The following TGDS variants were observed in gnomAD, a reference collection of about 807,000 sequenced individuals.
TGDS encodes UDP-D-glucose 4,6-dehydratase.
A neutral mutation model predicts 52.3 loss-of-function variants in TGDS; 47 were observed. The ratio of observed to expected loss-of-function variants is 0.90; its 90% confidence interval spans 0.71 to 1.15. The LOEUF is 1.15. Ranked by LOEUF, TGDS falls within the 50% of genes most tolerant of loss-of-function variation. The pLI, the probability that TGDS is intolerant of heterozygous loss-of-function variation, is 0.00. For missense variants in TGDS, 375 were observed against 418.4 expected (o/e 0.90, Z 0.90); for synonymous variants, 115 against 136.9 (o/e 0.84, Z 1.12).
intron 4 of TGDS, among the ~76,000 whole-genome samples, chr13:94,587,018 G>A (rs954506813): frequency 2.0e-5 from 3 of 152,034 alleles, no homozygotes; most frequent in Admixed American, 2.0e-4. Context: ...GCCTGCCTTG[G>A]CCTCTCAAAG....
Position 94,574,780 on chromosome 13 carries a change from G to A in TGDS, c.*2C>T. ...CAACTGTCTCGACTATATAAATGGT[G>A]ATTATACCGGAAAGGGTTCTAATGC... On this transcript the variant is annotated 3_prime_UTR_variant, in exon 12 of 12. Transcript: ENST00000261296. 6.3e-7 allele frequency: 1 copy of A among 1,589,766 alleles called. No homozygotes were observed. The highest frequency in any genetic ancestry group is 8.6e-7 in the Non-Finnish European group (1 of 1,160,072).
chr13:94,580,080 G>A, intron 6 of TGDS, 127 bp from the exon 7 acceptor site: 2 of 551,608 alleles, frequency 3.6e-6, no homozygotes. Context: ...AAGGTCAAAG[G>A]GAAGAGATTT....
chr13:94,579,078 A>G (rs74104447), intron 7 of TGDS, among the ~76,000 whole-genome samples: 1,678 of 152,332 alleles, frequency 0.011, 30 homozygotes, highest in African/African-American at 0.037. Flanking sequence ...ATAAGGGCAG[A>G]TATTTGTATC....
At chr13:94,590,265 G>A (rs1249291473) in intron 4 of TGDS, among the ~76,000 whole-genome samples, 1 of 148,790 alleles carries the variant, frequency 6.7e-6, no homozygotes, top group Non-Finnish European at 1.5e-5. Flanking sequence ...AAGTTAAGCT[G>A]TATTGTTTAG....
chr13:94,576,878 G>A (rs774482668), intron 10 of TGDS, among the ~76,000 whole-genome samples: 3 of 152,220 alleles, frequency 2.0e-5, no homozygotes, highest in Non-Finnish European at 4.4e-5. Flanking sequence ...CAAGGAGGGC[G>A]GATCACGAGG....
At chr13:94,586,150 C>T (rs559558600) in intron 4 of TGDS, among the ~76,000 whole-genome samples, 9 of 151,948 alleles carry the variant, frequency 5.9e-5, no homozygotes, top group Non-Finnish European at 1.2e-4. Flanking sequence ...AGAAAGCGTA[C>T]AGTAAGATGG....
At chr13:94,577,927 T>C in intron 9 of TGDS, 78 bp downstream of exon 9, 1 of 1,390,890 alleles carries the variant, frequency 7.2e-7, no homozygotes, top group Non-Finnish European at 9.9e-7. Context: ...TTAAGTAAGC[T>C]GTATGCTTCT....
chr13:94,580,509 T>C (rs1430118344), intron 6 of TGDS, among the ~76,000 whole-genome samples: 1 of 152,158 alleles, frequency 6.6e-6, no homozygotes, highest in Non-Finnish European at 1.5e-5. Flanking sequence ...ATACTGACAC[T>C]GTCAGAGCCA....
At chr13:94,585,142 C>T (rs553408643) in intron 4 of TGDS, among the ~76,000 whole-genome samples, 1 of 152,100 alleles carries the variant, frequency 6.6e-6, no homozygotes, top group African/African-American at 2.4e-5. Flanking sequence ...CTCTGCCTCC[C>T]AGATTCAAGC....
At chr13:94,589,248 T>G (rs974724091) in intron 4 of TGDS, among the ~76,000 whole-genome samples, 2 of 152,134 alleles carry the variant, frequency 1.3e-5, no homozygotes, top group Non-Finnish European at 2.9e-5. Context: ...ACTTGCCATT[T>G]TTTCTCATTG....
intron 4 of TGDS, among the ~76,000 whole-genome samples, chr13:94,590,028 AACT>A (rs34701671): frequency 0.69 from 104,771 of 151,106 alleles, 36,920 homozygotes; most frequent in African/African-American, 0.82. Flanking sequence ...ATATTAAGTA[AACT>A]ACTACAGTGT....
At position 94,585,575 on chromosome 13, in the gene TGDS, A is replaced by G. The variant is rs532115093; in HGVS notation, c.314-2339T>C. ...CACTTTGGGAGGCCCAGGTGGGTGG[A>G]TCACCTGAGGTCAGGAGTTTGAGAC... On this transcript the variant is annotated intron_variant, in intron 4 of 11. Transcript: ENST00000261296. 4.6e-5 allele frequency among the ~76,000 whole-genome samples: 7 copies of G among 152,162 alleles called. No individual in the cohort carries two copies. In the South Asian group the frequency reaches 1.5e-3, roughly 32 times the overall value.
chr13:94,585,400 T>C (rs535108280), intron 4 of TGDS, among the ~76,000 whole-genome samples: 52 of 152,192 alleles, frequency 3.4e-4, no homozygotes, highest in Non-Finnish European at 7.1e-4. Flanking sequence ...AATGACATAA[T>C]TAGGATATCA....
At chr13:94,591,302 T>C (rs891755621) in intron 3 of TGDS, among the ~76,000 whole-genome samples, 1 of 152,212 alleles carries the variant, frequency 6.6e-6, no homozygotes, top group Non-Finnish European at 1.5e-5. Flanking sequence ...AAATATATCT[T>C]AGGCTGGGTG....
intron 7 of TGDS, 58 bp from the exon 8 acceptor site, chr13:94,578,831 G>T: frequency 9.7e-7 from 1 of 1,034,476 alleles, no homozygotes; most frequent in South Asian, 1.5e-5. Flanking sequence ...GTATGAATCT[G>T]AACTCATACC....
intron 4 of TGDS, among the ~76,000 whole-genome samples, chr13:94,586,751 ATTT>A (rs55763244): frequency 8.1e-5 from 3 of 36,872 alleles, no homozygotes; most frequent in East Asian, 4.6e-4. Flanking sequence ...AAATCAAATT[ATTT>A]TTTTTTTTTT....
intron 7 of TGDS, 142 bp from the exon 8 acceptor site, chr13:94,578,915 A>G: frequency 2.0e-6 from 1 of 506,194 alleles, no homozygotes; most frequent in Non-Finnish European, 3.5e-6. Flanking sequence ...TAAAAAACCT[A>G]CTATAGTATT....
intron 1 of TGDS, among the ~76,000 whole-genome samples, chr13:94,595,410 T>C (rs917941274): frequency 1.3e-5 from 2 of 152,170 alleles, no homozygotes; most frequent in African/African-American, 2.4e-5. Context: ...CACTGACTTG[T>C]ATGTGAGCAA....
intron 5 of TGDS, among the ~76,000 whole-genome samples, chr13:94,582,108 G>T (rs945805037): frequency 9.2e-5 from 14 of 151,838 alleles, no homozygotes; most frequent in African/African-American, 2.9e-4. Flanking sequence ...TGAGGCAGGA[G>T]AATTGCTTGA....
Sources: allele counts gnomAD v4.1 joint callset (sites outside exome capture counted in the v4.1 genomes callset), GRCh38; gene constraint gnomAD v4.1.1; transcripts MANE v1.5; gene names NCBI Gene and HGNC (gene_info 2026-07-23, HGNC 2026-07-21).